The following P3H2 variants were observed in gnomAD, a reference collection of about 807,000 sequenced individuals.
The protein encoded by P3H2 is prolyl 3-hydroxylase 2.
A neutral mutation model predicts 87.0 loss-of-function variants in P3H2; 80 were observed. That is an observed-to-expected ratio of 0.92 (90% confidence interval 0.77 to 1.11). P3H2 has a LOEUF of 1.11. Ranked by LOEUF, P3H2 falls within the 50% of genes least tolerant of loss-of-function variation. The probability of loss-of-function intolerance (pLI) is 0.00; values close to 1 mark genes in which losing one functional copy is unlikely to be tolerated. For missense variants in P3H2, 1,001 were observed against 923.9 expected (o/e 1.08, Z -1.08); for synonymous variants, 367 against 359.3 (o/e 1.02, Z -0.24).
chr3:190,027,354 A>G (rs1725114630), intron 1 of P3H2, among the ~76,000 whole-genome samples: 1 of 152,180 alleles, frequency 6.6e-6, no homozygotes, highest in African/African-American at 2.4e-5. Context: ...AAGGGCAAGA[A>G]CAGGGTTTCA....
intron 4 of P3H2, 129 bp downstream of exon 4, chr3:189,988,778 G>T: frequency 2.5e-6 from 3 of 1,186,434 alleles, no homozygotes; most frequent in Admixed American, 3.4e-5. Flanking sequence ...CAGGAGAGAA[G>T]AAATGCATAA....
intron 1 of P3H2, among the ~76,000 whole-genome samples, chr3:190,055,534 TTTTC>T (rs202229418): frequency 0.023 from 2,988 of 127,470 alleles, 113 homozygotes; most frequent in African/African-American, 0.097. Context: ...CTTTTTTTTT[TTTTC>T]TCCTTTCTCT....
rs1235765071 is a variant in P3H2 at position 190,022,659 on chromosome 3, G to A, written c.481-27217C>T. On this transcript the variant is annotated intron_variant, in intron 1 of 14. Transcript: ENST00000319332. ...GATCAAAACCCCAAATGCCTTCAGA[G>A]GCGAGGCAGATAATATCAATAATGA... Among the ~76,000 whole-genome samples, 9 of 80,626 alleles carry A rather than the reference G, an allele frequency of 1.1e-4. 2 individuals are homozygous for A. Among genetic ancestry groups the A allele is most frequent in the Non-Finnish European group, 2.7e-4 (9 of 32,960 alleles). The allele number at this position is 80,626 out of a possible 152,430, so 52.9% of individuals were successfully genotyped here. A position where few individuals can be genotyped will look rare whatever the true frequency, so the allele number is the denominator to read the frequency against.
chr3:190,067,308 A>G (rs1726544273), intron 1 of P3H2, among the ~76,000 whole-genome samples: 1 of 152,148 alleles, frequency 6.6e-6, no homozygotes, highest in Admixed American at 6.6e-5. Flanking sequence ...GAGAAGGAAG[A>G]AGTGGGAGGA....
chr3:190,107,791 T>C (rs752178213), intron 1 of P3H2, among the ~76,000 whole-genome samples: 16 of 152,204 alleles, frequency 1.1e-4, no homozygotes, highest in Non-Finnish European at 1.8e-4. Flanking sequence ...ATACATTTCT[T>C]TCAAGCCTCA....
chr3:190,049,358 C>T (rs902818344), intron 1 of P3H2, among the ~76,000 whole-genome samples: 2 of 151,898 alleles, frequency 1.3e-5, no homozygotes, highest in African/African-American at 2.4e-5. Flanking sequence ...TCAATCATTA[C>T]GCTGTATTTG....
intron 1 of P3H2, among the ~76,000 whole-genome samples, chr3:190,007,797 T>C (rs1317672493): frequency 1.5e-5 from 2 of 130,886 alleles, no homozygotes; most frequent in South Asian, 2.5e-4. Flanking sequence ...TTCTTTAGGA[T>C]ACAGCGTTCA....
At chr3:190,003,783 G>A (rs1335734324) in intron 1 of P3H2, among the ~76,000 whole-genome samples, 1 of 152,214 alleles carries the variant, frequency 6.6e-6, no homozygotes, top group East Asian at 1.9e-4. Flanking sequence ...ACTGGGCAGG[G>A]ATCTTAACCT....
intron 3 of P3H2, among the ~76,000 whole-genome samples, chr3:189,991,355 G>C (rs549474983): frequency 1.3e-5 from 2 of 152,152 alleles, no homozygotes; most frequent in African/African-American, 4.8e-5. Flanking sequence ...ATTTTTGATA[G>C]CTATACCCTA....
chr3:189,965,454 C>A (rs576079257), intron 13 of P3H2, among the ~76,000 whole-genome samples: 2 of 152,226 alleles, frequency 1.3e-5, no homozygotes, highest in East Asian at 3.9e-4. Flanking sequence ...AGAAAAAAAG[C>A]AGTCAGTTTC....
chr3:190,015,690 A>G (rs1303340837), intron 1 of P3H2, among the ~76,000 whole-genome samples: 1 of 152,054 alleles, frequency 6.6e-6, no homozygotes, highest in Non-Finnish European at 1.5e-5. Flanking sequence ...TCTCAGCATC[A>G]TTGCACTCAG....
intron 1 of P3H2, among the ~76,000 whole-genome samples, chr3:190,070,689 C>T (rs1260991236): frequency 1.3e-5 from 2 of 152,142 alleles, no homozygotes; most frequent in African/African-American, 4.8e-5. Flanking sequence ...ACTAACAATC[C>T]ATATGAACAG....
intron 8 of P3H2, among the ~76,000 whole-genome samples, chr3:189,980,743 T>A (rs990139872): frequency 9.2e-5 from 14 of 152,062 alleles, no homozygotes; most frequent in African/African-American, 3.4e-4. Context: ...AGCTCCCAAA[T>A]CCCTTGGAAT....
At chr3:190,116,402 G>C (rs1008180742) in intron 1 of P3H2, among the ~76,000 whole-genome samples, 1 of 152,152 alleles carries the variant, frequency 6.6e-6, no homozygotes, top group African/African-American at 2.4e-5. Context: ...TTGCAGATGG[G>C]AGAACTAAAG....
At chr3:190,018,450 G>C (rs1431111429) in intron 1 of P3H2, among the ~76,000 whole-genome samples, 1 of 152,152 alleles carries the variant, frequency 6.6e-6, no homozygotes, top group Non-Finnish European at 1.5e-5. Context: ...GCTCCTTCTT[G>C]TAATCCCAAA....
intron 1 of P3H2, among the ~76,000 whole-genome samples, chr3:190,056,234 T>C (rs546004772): frequency 6.6e-6 from 1 of 152,252 alleles, no homozygotes; most frequent in African/African-American, 2.4e-5. Flanking sequence ...CTTCTAGAAC[T>C]GTGAAAAAAT....
intron 1 of P3H2, among the ~76,000 whole-genome samples, chr3:190,003,620 T>C (rs1724288301): frequency 6.6e-6 from 1 of 152,186 alleles, no homozygotes; most frequent in African/African-American, 2.4e-5. Context: ...AAAATTTGAA[T>C]GGCTGCTGGG....
At chr3:190,084,170 T>C (rs1380100358) in intron 1 of P3H2, among the ~76,000 whole-genome samples, 1 of 152,202 alleles carries the variant, frequency 6.6e-6, no homozygotes, top group African/African-American at 2.4e-5. Flanking sequence ...ATGAGCTGAT[T>C]ATGTATATTG....
intron 1 of P3H2, among the ~76,000 whole-genome samples, chr3:190,114,300 C>T (rs1230298196): frequency 6.6e-6 from 1 of 150,530 alleles, no homozygotes; most frequent in Non-Finnish European, 1.5e-5. Context: ...TCTCCTGCCT[C>T]AGCCTCCCGA....
Sources: gnomAD v4.1 joint callset for allele counts (sites outside exome capture counted in the v4.1 genomes callset) on GRCh38, gnomAD v4.1.1 for gene constraint, MANE v1.5 for transcripts, NCBI Gene and HGNC (gene_info 2026-07-23, HGNC 2026-07-21) for gene names.